The following STOX2 variants were observed in gnomAD, a reference collection of about 807,000 sequenced individuals.
The protein encoded by STOX2 is storkhead box 2.
STOX2 carries 28 observed loss-of-function variants against 60.9 expected under a neutral mutation model. The ratio of observed to expected loss-of-function variants is 0.46; its 90% CI spans 0.34 to 0.63. The LOEUF (loss-of-function observed/expected upper bound fraction) is 0.63. Among genes scored for constraint, STOX2 ranks in the 30% least tolerant of loss-of-function variants. The probability of loss-of-function intolerance (pLI) is 0.01; values close to 1 mark genes in which losing one functional copy is unlikely to be tolerated. For synonymous variants in STOX2, 472 were observed against 463.9 expected (o/e 1.02, Z -0.22); for missense variants, 1,024 against 1,187.7 (o/e 0.86, Z 2.03).
intron 1 of STOX2, among the ~76,000 whole-genome samples, chr4:183,948,977 C>T (rs1742987120): frequency 6.6e-6 from 1 of 152,148 alleles, no homozygotes; most frequent in South Asian, 2.1e-4. Context: ...TGTAATCTAT[C>T]CATTGCTGAA....
intron 1 of STOX2, among the ~76,000 whole-genome samples, chr4:183,860,557 A>G (rs1167657611): frequency 6.6e-6 from 1 of 152,190 alleles, no homozygotes; most frequent in Non-Finnish European, 1.5e-5. Context: ...GCTTTAAAAG[A>G]AACACTTAAA....
chr4:183,947,090 G>A (rs1742916324), intron 1 of STOX2, among the ~76,000 whole-genome samples: 2 of 149,102 alleles, frequency 1.3e-5, no homozygotes, highest in Non-Finnish European at 3.0e-5. Flanking sequence ...GGGGGGTGGG[G>A]CAAGGGGGCT....
intron 1 of STOX2, among the ~76,000 whole-genome samples, chr4:183,832,073 T>G (rs896842266): frequency 6.6e-6 from 1 of 150,378 alleles, no homozygotes; most frequent in African/African-American, 2.4e-5. Context: ...CACTGCAACC[T>G]CTGCCTGCTA....
At chr4:183,972,714 C>T (rs1743779741) in intron 1 of STOX2, among the ~76,000 whole-genome samples, 1 of 152,162 alleles carries the variant, frequency 6.6e-6, no homozygotes, top group African/African-American at 2.4e-5. Flanking sequence ...AAGACTCGGA[C>T]TCTCATGATA....
chr4:183,986,309 G>A (rs1489860997), intron 1 of STOX2, among the ~76,000 whole-genome samples: 1 of 152,220 alleles, frequency 6.6e-6, no homozygotes, highest in Non-Finnish European at 1.5e-5. Flanking sequence ...AAGTGCATCA[G>A]TAGCAGTTGG....
intron 1 of STOX2, among the ~76,000 whole-genome samples, chr4:183,980,532 T>C (rs1732622002): frequency 6.6e-6 from 1 of 152,084 alleles, no homozygotes; most frequent in Admixed American, 6.6e-5. Context: ...GGTGTTCCAT[T>C]GTGGTGTGCC....
chr4:183,849,577 A>T (rs551741596), intron 1 of STOX2, among the ~76,000 whole-genome samples: 3 of 152,334 alleles, frequency 2.0e-5, no homozygotes, highest in Admixed American at 2.0e-4. Flanking sequence ...AATAGTAATA[A>T]TTGTTGACGT....
intron 1 of STOX2, among the ~76,000 whole-genome samples, chr4:183,832,133 G>A (rs957192837): frequency 5.3e-5 from 8 of 151,896 alleles, no homozygotes; most frequent in African/African-American, 1.9e-4. Context: ...GGGATTACAA[G>A]TGCCCGTCAC....
intron 1 of STOX2, among the ~76,000 whole-genome samples, chr4:183,845,737 A>T (rs965932222): frequency 6.6e-6 from 1 of 152,206 alleles, no homozygotes; most frequent in African/African-American, 2.4e-5. Flanking sequence ...TCCTCTGCAT[A>T]TGTGCTTTAT....
At position 184,010,297 on chromosome 4, in the gene STOX2, G is replaced by T. The variant is rs1263625939; in HGVS notation, c.1459G>T (p.Ala487Ser). The T allele has an allele frequency of 6.3e-7, 1 of 1,595,688 alleles. No homozygotes were observed. The highest frequency in any genetic ancestry group is 1.3e-5 in the African/African-American group (1 of 74,598). ...GTCCAGGAATGAGAGATCCAACAAA[G>T]CCAAGGAGAGATCCAGGTCGATGGA... ...RRSRNERSNK[A>S]KERSRSMDNS... Residue 487 changes from alanine to serine, a missense_variant, in exon 3 of 4, where the codon GCC becomes TCC. Around this residue, in one of 3 missense-constraint regions of STOX2, gnomAD observed 922 missense variants for 1,058.3 expected, o/e 0.87. Transcript: ENST00000308497. This position sits in a 1 kb window ranked among gnomAD's most constrained non-coding sequence, Gnocchi z 4.5.
chr4:183,805,609 A>G (rs1235481799), intron 1 of STOX2, among the ~76,000 whole-genome samples: 2 of 152,160 alleles, frequency 1.3e-5, no homozygotes, highest in Non-Finnish European at 2.9e-5. Context: ...GGAGTTCTGG[A>G]CCAGCCTGGG....
intron 1 of STOX2, among the ~76,000 whole-genome samples, chr4:183,969,849 T>C (rs970879341): frequency 1.3e-5 from 2 of 152,212 alleles, no homozygotes; most frequent in African/African-American, 4.8e-5. Flanking sequence ...CTTGAATTCC[T>C]GGACTCAAGA....
chr4:183,832,680 A>AG (rs1181760216), intron 1 of STOX2, among the ~76,000 whole-genome samples: 1 of 150,698 alleles, frequency 6.6e-6, no homozygotes, highest in East Asian at 2.0e-4. Context: ...TAGTAGAGAC[A>AG]GGTTTTACCA....
chr4:184,009,572 A>G lies in STOX2; in HGVS notation c.734A>G (p.Asn245Ser). ...ACTGAAAAGAGCAAAAGTACTGTAA[A>G]TTTTTCCTATAAGACAGAAACTCTC... ...PPTEKSKSTVNFSYKTETLSK... is the reference protein window; with the variant it reads ...PPTEKSKSTVSFSYKTETLSK... Residue 245 changes from asparagine to serine, a missense_variant, in exon 3 of 4, where the codon AAT (asparagine) becomes AGT (serine). By Grantham distance (46) the Asn-to-Ser change is conservative. Around this residue, in one of 3 missense-constraint regions of STOX2, gnomAD observed 922 missense variants for 1,058.3 expected, o/e 0.87. Transcript: ENST00000308497. This position sits in a 1 kb window ranked among gnomAD's most constrained non-coding sequence, Gnocchi z 4.0. The G allele has an allele frequency of 6.2e-7, 1 of 1,613,824 alleles. No individual in the cohort carries two copies. The highest frequency in any genetic ancestry group is 8.5e-7 in the Non-Finnish European group (1 of 1,179,818).
intron 3 of STOX2, among the ~76,000 whole-genome samples, chr4:184,012,192 A>G (rs568653369): frequency 6.6e-6 from 1 of 152,344 alleles, no homozygotes; most frequent in East Asian, 1.9e-4. Flanking sequence ...AAAGCTCTAG[A>G]GTTATTCAGG....
intron 1 of STOX2, among the ~76,000 whole-genome samples, chr4:183,883,807 G>A (rs559215459): frequency 5.3e-4 from 81 of 151,730 alleles, no homozygotes; most frequent in Non-Finnish European, 9.3e-4. Flanking sequence ...CTAGATAGTC[G>A]CTTAATTTTG....
At chr4:183,938,178 G>A (rs1742640788) in intron 1 of STOX2, among the ~76,000 whole-genome samples, 1 of 152,158 alleles carries the variant, frequency 6.6e-6, no homozygotes, top group South Asian at 2.1e-4. Flanking sequence ...TTCTGAACTT[G>A]CTGAAATTAC....
At chr4:183,980,428 G>C (rs1019526919) in intron 1 of STOX2, among the ~76,000 whole-genome samples, 3 of 152,310 alleles carry the variant, frequency 2.0e-5, no homozygotes, top group Admixed American at 1.3e-4. Context: ...ATTCTTGTCA[G>C]TAGGGATAGA....
chr4:183,902,307 A>G (rs777829591), upstream of STOX2, among the ~76,000 whole-genome samples: 2 of 152,240 alleles, frequency 1.3e-5, no homozygotes, highest in Non-Finnish European at 2.9e-5. Flanking sequence ...TAAGATTACA[A>G]GTCTAAAATC....
Sources: allele counts gnomAD v4.1 joint callset (sites outside exome capture counted in the v4.1 genomes callset), GRCh38; gene constraint gnomAD v4.1.1; regional missense constraint gnomAD v4.1.1; non-coding constraint Gnocchi (gnomAD v3.1); transcripts MANE v1.5; gene names NCBI Gene and HGNC (gene_info 2026-07-23, HGNC 2026-07-21).